Variants in FUT8 observed in about 807,000 individuals in gnomAD.
FUT8 encodes alpha-(1,6)-fucosyltransferase.
A neutral mutation model predicts 71.3 loss-of-function variants in FUT8; 29 were observed. The ratio of observed to expected loss-of-function variants is 0.41; its 90% CI spans 0.30 to 0.55. The LOEUF is 0.55. Among genes scored for constraint, FUT8 ranks in the 20% least tolerant of loss-of-function variants. FUT8 has a pLI of 0.34. For synonymous variants in FUT8, 254 were observed against 239.3 expected, an observed-to-expected ratio of 1.06 and a Z score of -0.57; for missense variants, 544 against 702.1, an observed-to-expected ratio of 0.77 and a Z score of 2.55.
intron 3 of FUT8, among the ~76,000 whole-genome samples, chr14:65,597,428 A>T (rs1174625781): frequency 1.3e-5 from 2 of 151,980 alleles, no homozygotes; most frequent in African/African-American, 4.8e-5. Flanking sequence ...GGAGATCGAG[A>T]CCATCCTGGC....
At chr14:65,439,949 T>TGTGA (rs1444463768) in intron 1 of FUT8, among the ~76,000 whole-genome samples, 1 of 56,922 alleles carries the variant, frequency 1.8e-5, no homozygotes, top group African/African-American at 5.3e-5. Flanking sequence ...TGTGTGTGTG[T>TGTGA]GTGTGTATAT....
At chr14:65,589,085 A>G (rs149561201) in intron 3 of FUT8, among the ~76,000 whole-genome samples, 21 of 151,910 alleles carry the variant, frequency 1.4e-4, no homozygotes, top group Admixed American at 1.4e-3. Context: ...TCTTTTCTTC[A>G]GTGTTACACA....
chr14:65,637,294 G>C (rs1411478906), intron 6 of FUT8, among the ~76,000 whole-genome samples: 1 of 152,092 alleles, frequency 6.6e-6, no homozygotes, highest in East Asian at 1.9e-4. Flanking sequence ...AATTTATGTT[G>C]CGATTTCTGA....
At chr14:65,595,353 C>G (rs558758786) in intron 3 of FUT8, among the ~76,000 whole-genome samples, 1 of 152,032 alleles carries the variant, frequency 6.6e-6, no homozygotes, top group African/African-American at 2.4e-5. Flanking sequence ...TTAATATGAA[C>G]TAAAAATGTT....
At chr14:65,546,031 T>C (rs1884968291) in intron 2 of FUT8, among the ~76,000 whole-genome samples, 1 of 152,020 alleles carries the variant, frequency 6.6e-6, no homozygotes, top group South Asian at 2.1e-4. Flanking sequence ...CTTTCAATTA[T>C]TGACATTTTC....
the FUT8 span, among the ~76,000 whole-genome samples, chr14:65,366,201 A>G: frequency 2.7e-4 from 41 of 152,312 alleles, no homozygotes; most frequent in Non-Finnish European, 5.7e-4. Context: ...CTAATAGAGA[A>G]GACAGTAAGT....
chr14:65,418,465 T>C (rs2065249807), intron 1 of FUT8, among the ~76,000 whole-genome samples: 1 of 152,248 alleles, frequency 6.6e-6, no homozygotes, highest in Admixed American at 6.5e-5. Flanking sequence ...AAAAGCATTG[T>C]AATGTTATTT....
At chr14:65,363,508 C>T in the FUT8 span, among the ~76,000 whole-genome samples, 2 of 152,184 alleles carry the variant, frequency 1.3e-5, no homozygotes, top group African/African-American at 4.8e-5. Context: ...CTGTCCGCCT[C>T]GGTTTTCCAA....
intron 7 of FUT8, among the ~76,000 whole-genome samples, chr14:65,673,307 A>G (rs1047028566): frequency 6.6e-6 from 1 of 152,232 alleles, no homozygotes; most frequent in African/African-American, 2.4e-5. Context: ...AAATAAAAGT[A>G]ATTCAATTAA....
At chr14:65,505,261 T>G (rs2066709759) in intron 2 of FUT8, among the ~76,000 whole-genome samples, 1 of 152,002 alleles carries the variant, frequency 6.6e-6, no homozygotes. Flanking sequence ...ATCAGTTTTG[T>G]TGGTTATTAC....
At chr14:65,613,418 A>G (rs1012158265) in intron 3 of FUT8, among the ~76,000 whole-genome samples, 6 of 152,346 alleles carry the variant, frequency 3.9e-5, no homozygotes, top group African/African-American at 1.4e-4. Context: ...GCCAAGTCTT[A>G]GAAACATAAC....
intron 2 of FUT8, among the ~76,000 whole-genome samples, chr14:65,511,094 G>A (rs1425369266): frequency 6.6e-6 from 1 of 151,848 alleles, no homozygotes; most frequent in East Asian, 1.9e-4. Context: ...ATAGGTTTTG[G>A]TATATTATGT....
Position 65,472,839 on chromosome 14 carries a change from A to G in FUT8, c.-228+17121A>G, listed in dbSNP as rs1362775871. ...ATATGGTAAAAAACTTAGTTCATAT[A>G]ATGAATTTAGTGCTCAAATATCTTA... On this transcript the variant is annotated intron_variant, in intron 2 of 10. Coordinates refer to ENST00000673929, the MANE Select transcript of FUT8 (RefSeq NM_001371533.1). This position sits in a 1 kb window ranked among gnomAD's most constrained non-coding sequence, Gnocchi z 4.4. Among the ~76,000 whole-genome samples the G allele has an allele frequency of 6.6e-6, 1 of 152,168 alleles. No homozygotes were observed. The highest frequency in any genetic ancestry group is 1.5e-5 in the Non-Finnish European group (1 of 68,018).
Position 65,669,163 on chromosome 14 carries a change from T to G in FUT8, c.598-80T>G. 1 of 1,063,900 alleles carries G rather than the reference T, an allele frequency of 9.4e-7. No homozygotes were observed. The highest frequency in any genetic ancestry group is 1.4e-6 in the Non-Finnish European group (1 of 727,416). The allele number at this position is 1,063,900 out of a possible 1,614,324, so 65.9% of individuals were successfully genotyped here. A position where few individuals can be genotyped will look rare whatever the true frequency, so the allele number is the denominator to read the frequency against. ...AAACCTGCATGTGTACCCCTGAAGA[T>G]GAAAGATTAAAAAAAAAAAAGAGCA... On this transcript the variant is annotated intron_variant, in intron 6 of 10. Transcript: ENST00000673929. The surrounding 1 kb of genome is among the most constrained non-coding windows in gnomAD (Gnocchi z 4.5).
the FUT8 span, among the ~76,000 whole-genome samples, chr14:65,400,648 G>A: frequency 6.6e-6 from 1 of 152,216 alleles, no homozygotes. Context: ...CACTTTGGGA[G>A]GTTTGGGAGG....
upstream of FUT8, among the ~76,000 whole-genome samples, chr14:65,408,273 G>T (rs2065094836): frequency 6.6e-6 from 1 of 152,096 alleles, no homozygotes; most frequent in African/African-American, 2.4e-5. Context: ...AGTAAACACT[G>T]TAAGGACTTA....
the FUT8 span, among the ~76,000 whole-genome samples, chr14:65,376,037 G>A: frequency 2.0e-5 from 3 of 151,116 alleles, no homozygotes; most frequent in Admixed American, 6.6e-5. Flanking sequence ...GTTGCAGCAA[G>A]CCAAGATCAT....
chr14:65,555,532 C>T (rs978749302), intron 2 of FUT8, among the ~76,000 whole-genome samples: 2 of 152,156 alleles, frequency 1.3e-5, no homozygotes, highest in Admixed American at 6.6e-5. Flanking sequence ...TAATGACCTG[C>T]AAATTCCACC....
chr14:65,624,345 G>A (rs984187667), intron 5 of FUT8, among the ~76,000 whole-genome samples: 2 of 150,328 alleles, frequency 1.3e-5, no homozygotes, highest in Non-Finnish European at 2.9e-5. Context: ...TGCTTTCTAG[G>A]TAGAGACAGA....
Sources: allele counts gnomAD v4.1 joint callset (sites outside exome capture counted in the v4.1 genomes callset), GRCh38; gene constraint gnomAD v4.1.1; non-coding constraint Gnocchi (gnomAD v3.1); transcripts MANE v1.5; gene names NCBI Gene and HGNC (gene_info 2026-07-23, HGNC 2026-07-21).